Variants in NTM observed in about 807,000 individuals in gnomAD.
NTM encodes the protein neurotrimin, also known as IgLON family member 2.
A neutral mutation model predicts 42.1 loss-of-function variants in NTM; 13 were observed. The ratio of observed to expected loss-of-function variants is 0.31; its 90% CI spans 0.20 to 0.49. The LOEUF (loss-of-function observed/expected upper bound fraction) is 0.49. Ranked by LOEUF, NTM falls within the 20% of genes least tolerant of loss-of-function variation. NTM has a pLI of 0.99. For synonymous variants in NTM, 187 were observed against 179.2 expected, an observed-to-expected ratio of 1.04 and a Z score of -0.35; for missense variants, 373 against 452.8, an observed-to-expected ratio of 0.82 and a Z score of 1.60.
At chr11:131,452,216 C>T (rs767640643) in intron 1 of NTM, among the ~76,000 whole-genome samples, 4 of 152,206 alleles carry the variant, frequency 2.6e-5, no homozygotes, top group African/African-American at 9.6e-5. Flanking sequence ...CATTTGTTGG[C>T]AGTGCCTGGA....
chr11:131,411,829 C>A (rs142938589), intron 1 of NTM, among the ~76,000 whole-genome samples: 2 of 152,070 alleles, frequency 1.3e-5, no homozygotes, highest in Non-Finnish European at 2.9e-5. Flanking sequence ...ACTTCTTTCC[C>A]AATTATGTGT....
Position 131,948,206 on chromosome 11 carries a change from A to T in NTM, c.167+36558A>T, listed in dbSNP as rs185286173. 8.1e-3 allele frequency among the ~76,000 whole-genome samples: 1,208 copies of T among 148,504 alleles called. 26 individuals are homozygous for T. The highest frequency in any genetic ancestry group is 0.026 in the African/African-American group (1,052 of 39,876). On this transcript the variant is annotated intron_variant, in intron 2 of 8. Coordinates refer to ENST00000683400, the MANE Select transcript of NTM (RefSeq NM_001352005.2). ...GAAACCCCGTCTCTACTAAAAATAT[A>T]AAAAAAAAATTAGCCAGGCGTGGTG...
chr11:131,587,739 T>C (rs2059001558), intron 1 of NTM, among the ~76,000 whole-genome samples: 1 of 152,218 alleles, frequency 6.6e-6, no homozygotes, highest in Non-Finnish European at 1.5e-5. Context: ...CAGGACTCTA[T>C]TCTTTCATGA....
At position 131,384,305 on chromosome 11, in the gene NTM, G is replaced by A. The variant is rs111637688; in HGVS notation, c.82+13417G>A. Among the ~76,000 whole-genome samples, 309 of 152,320 alleles carry A rather than the reference G, an allele frequency of 2.0e-3. 4 individuals carry two copies. Among genetic ancestry groups the A allele is most frequent in the African/African-American group, 7.1e-3 (294 of 41,578 alleles). ...CTGGAAAAGCAGATTGACAAAAAGT[G>A]GACAAATACATAGGAGAAAAATCTG... On this transcript the variant is annotated intron_variant, in intron 1 of 8. Transcript: ENST00000683400.
intron 2 of NTM, among the ~76,000 whole-genome samples, chr11:131,939,412 T>C (rs934597938): frequency 6.6e-6 from 1 of 151,928 alleles, no homozygotes; most frequent in African/African-American, 2.4e-5. Flanking sequence ...AGGAGAATAG[T>C]AGAGAAGGGA....
At chr11:131,658,928 C>T (rs542878021) in intron 1 of NTM, among the ~76,000 whole-genome samples, 11 of 152,114 alleles carry the variant, frequency 7.2e-5, no homozygotes, top group South Asian at 4.1e-4. Context: ...GCTGATATCG[C>T]GCCACTGCTC....
chr11:131,407,428 A>G (rs1268103213), intron 1 of NTM, among the ~76,000 whole-genome samples: 3 of 152,228 alleles, frequency 2.0e-5, no homozygotes. Flanking sequence ...AATATTTTAT[A>G]GCAGCATCCA....
intron 6 of NTM, among the ~76,000 whole-genome samples, chr11:132,311,142 C>T (rs2095268124): frequency 6.6e-6 from 1 of 152,130 alleles, no homozygotes; most frequent in Non-Finnish European, 1.5e-5. Flanking sequence ...AAACTGCAGG[C>T]CAGGAGCAAG....
intron 7 of NTM, among the ~76,000 whole-genome samples, chr11:132,322,159 A>T (rs979311776): frequency 9.2e-5 from 14 of 152,098 alleles, no homozygotes; most frequent in Non-Finnish European, 2.9e-5. Flanking sequence ...TAATGACAGG[A>T]TCAAATTCAC....
At chr11:132,106,125 A>G (rs1271524805) in intron 2 of NTM, among the ~76,000 whole-genome samples, 9 of 152,220 alleles carry the variant, frequency 5.9e-5, no homozygotes, top group Non-Finnish European at 1.3e-4. Context: ...AACAATTGCC[A>G]TTATCCCACA....
intron 1 of NTM, among the ~76,000 whole-genome samples, chr11:131,762,994 G>T (rs767727738): frequency 6.6e-6 from 1 of 152,216 alleles, no homozygotes; most frequent in East Asian, 1.9e-4. Flanking sequence ...AACGGGCTCG[G>T]TTCTGCTGAC....
intron 1 of NTM, among the ~76,000 whole-genome samples, chr11:131,865,272 G>A (rs1205696648): frequency 6.6e-6 from 1 of 152,200 alleles, no homozygotes; most frequent in African/African-American, 2.4e-5. Flanking sequence ...CCCAAAGCCT[G>A]TTTTACTATG....
intron 2 of NTM, among the ~76,000 whole-genome samples, chr11:131,985,680 G>A (rs1159916079): frequency 6.6e-6 from 1 of 152,072 alleles, no homozygotes; most frequent in East Asian, 1.9e-4. Context: ...CCCGGGATTA[G>A]GCAGTTGTGC....
chr11:131,869,757 C>T (rs1245821424), intron 1 of NTM, among the ~76,000 whole-genome samples: 1 of 152,174 alleles, frequency 6.6e-6, no homozygotes, highest in African/African-American at 2.4e-5. Context: ...TGTCCTTCCT[C>T]ATCTAAGATA....
intron 1 of NTM, among the ~76,000 whole-genome samples, chr11:131,613,993 C>T (rs537794477): frequency 6.6e-6 from 1 of 152,274 alleles, no homozygotes; most frequent in South Asian, 2.1e-4. Flanking sequence ...TTTTTCCCTC[C>T]CTGCTCTGCA....
chr11:131,381,915 T>C (rs2135526182), intron 1 of NTM, among the ~76,000 whole-genome samples: 1 of 152,332 alleles, frequency 6.6e-6, no homozygotes, highest in East Asian at 1.9e-4. Context: ...GATGATTCTA[T>C]TGGGAGGTAC....
In NTM at chr11:131,957,474, G is replaced by A. The variant is rs146291836; in HGVS notation, c.167+45826G>A. 8.1e-3 allele frequency among the ~76,000 whole-genome samples: 1,228 copies of A among 152,200 alleles called. 26 individuals are homozygous for A. The highest frequency in any genetic ancestry group is 0.026 in the African/African-American group (1,078 of 41,506). ...GTCCACTTTGCATCCCACTTCTTGG[G>A]AAAATTTTTCTTAATGTTCACTAGC... is the stretch of plus-strand genomic sequence containing the variant. On this transcript the variant is annotated intron_variant, in intron 2 of 8. Coordinates refer to ENST00000683400, the MANE Select transcript of NTM (RefSeq NM_001352005.2).
At chr11:132,253,819 C>A (rs1285764860) in intron 4 of NTM, among the ~76,000 whole-genome samples, 4 of 152,186 alleles carry the variant, frequency 2.6e-5, no homozygotes, top group African/African-American at 9.6e-5. Flanking sequence ...ATAAAGACCT[C>A]CTCAGGCCTG....
At chr11:131,482,254 C>T (rs1221344007) in intron 1 of NTM, among the ~76,000 whole-genome samples, 1 of 152,208 alleles carries the variant, frequency 6.6e-6, no homozygotes, top group Non-Finnish European at 1.5e-5. Context: ...ACAATGTGTT[C>T]TGCATTCTGA....
Sources: gnomAD v4.1 joint callset for allele counts (sites outside exome capture counted in the v4.1 genomes callset) on GRCh38, gnomAD v4.1.1 for gene constraint, MANE v1.5 for transcripts, NCBI Gene and HGNC (gene_info 2026-07-23, HGNC 2026-07-21) for gene names.